Variants in EFCAB11 observed in about 807,000 individuals in gnomAD.
EFCAB11 encodes EF-hand calcium-binding domain-containing protein 11.
Under a neutral mutation model 23.0 loss-of-function variants are expected in EFCAB11, and 14 were observed. The observed-to-expected ratio is 0.61, with a 90% CI of 0.40 to 0.95. EFCAB11 has a LOEUF of 0.95. Ranked by LOEUF, EFCAB11 falls within the 40% of genes least tolerant of loss-of-function variation. The pLI is 0.00. For missense variants in EFCAB11, 198 were observed against 195.8 expected, an observed-to-expected ratio of 1.01 and a Z score of -0.07; for synonymous variants, 65 against 66.6, an observed-to-expected ratio of 0.98 and a Z score of 0.11.
At chr14:89,954,767 C>T, upstream of EFCAB11, 2 of 1,487,716 alleles carry the variant, frequency 1.3e-6, no homozygotes, top group Non-Finnish European at 9.0e-7. Context: ...GGAAGCCGAA[C>T]TTCACCGCGC....
intron 2 of EFCAB11, among the ~76,000 whole-genome samples, chr14:89,953,421 T>C (rs2139854170): frequency 6.6e-6 from 1 of 152,292 alleles, no homozygotes. Flanking sequence ...ATTTCAGAAT[T>C]ACACAAAAAA....
chr14:89,935,107 C>A (rs1890533536), intron 3 of EFCAB11, among the ~76,000 whole-genome samples: 1 of 152,200 alleles, frequency 6.6e-6, no homozygotes, highest in Admixed American at 6.5e-5. Context: ...TTGAATATGT[C>A]TCTGATTTCT....
intron 5 of EFCAB11, among the ~76,000 whole-genome samples, chr14:89,921,117 T>G (rs1336015485): frequency 6.6e-6 from 1 of 150,912 alleles, no homozygotes; most frequent in Non-Finnish European, 1.5e-5. Flanking sequence ...AGAAGAATGT[T>G]CAGCTAAGGA....
chr14:89,953,915 C>G lies in EFCAB11; in HGVS notation c.162G>C (p.Lys54Asn). The change falls in exon 2 of 6, where the codon AAG (lysine) becomes AAC (asparagine). Residue 54 changes from lysine to asparagine, a missense_variant. Lys to Asn is a moderately conservative substitution (Grantham distance 94). Coordinates refer to ENST00000316738, the MANE Select transcript of EFCAB11 (RefSeq NM_145231.4). ...TATAAGAAAGCTCTACCTTGGAGGG[C>G]TTGTACCCAAACAGCATTACAACAG... ...KTAVVMLFGY[K>N]PSKIEVDSVM... The G allele has an allele frequency of 6.2e-7, 1 of 1,613,446 alleles. No homozygotes were observed.
At chr14:89,924,830 C>T (rs1008987154) in intron 5 of EFCAB11, among the ~76,000 whole-genome samples, 3 of 152,132 alleles carry the variant, frequency 2.0e-5, no homozygotes, top group Non-Finnish European at 2.9e-5. Flanking sequence ...AATTAAACCA[C>T]GAAGAAAACA....
chr14:89,851,398 A>T (rs749334537), intron 5 of EFCAB11, among the ~76,000 whole-genome samples: 1 of 152,208 alleles, frequency 6.6e-6, no homozygotes, highest in Non-Finnish European at 1.5e-5. Flanking sequence ...CTCCCAGTTC[A>T]CAAAAAGAGA....
At chr14:89,822,021 T>C (rs1252365000) in intron 5 of EFCAB11, among the ~76,000 whole-genome samples, 1 of 152,230 alleles carries the variant, frequency 6.6e-6, no homozygotes, top group Non-Finnish European at 1.5e-5. Context: ...CTATTTTCCA[T>C]TTTAAACACA....
At chr14:89,889,932 C>T (rs1888908565) in intron 5 of EFCAB11, among the ~76,000 whole-genome samples, 1 of 152,236 alleles carries the variant, frequency 6.6e-6, no homozygotes, top group African/African-American at 2.4e-5. Context: ...GCATTGAATC[C>T]TTTCACTGTA....
chr14:89,918,403 G>A (rs948695036), intron 5 of EFCAB11, among the ~76,000 whole-genome samples: 8 of 151,970 alleles, frequency 5.3e-5, no homozygotes, highest in South Asian at 2.1e-4. Context: ...GCCGGGCATG[G>A]TAGCACACGT....
At chr14:89,901,335 C>CT (rs1213171249) in intron 5 of EFCAB11, among the ~76,000 whole-genome samples, 3 of 152,154 alleles carry the variant, frequency 2.0e-5, no homozygotes, top group Non-Finnish European at 4.4e-5. Context: ...CATTTTACTG[C>CT]TTGTAACCTA....
rs753073969 is a variant in EFCAB11, at chr14:89,815,431, C to CT, written c.411-18108dup. ...ATTAAAGGAATTTCATTATGAAATC[C>CT]TTTTTTTTTTTCCAAGACGGAATCT... On this transcript the variant is annotated intron_variant, in intron 5 of 5. Transcript: ENST00000316738. Among the ~76,000 whole-genome samples, 190 of 146,462 alleles carry CT rather than the reference C, an allele frequency of 1.3e-3. 1 individual carries two copies. Among genetic ancestry groups the CT allele is most frequent in the African/African-American group, 3.5e-3 (139 of 40,076 alleles).
rs73320712 is a variant in EFCAB11, at chr14:89,869,628, C to T, written c.410+61913G>A. On this transcript the variant is annotated intron_variant, in intron 5 of 5. Coordinates refer to ENST00000316738, the MANE Select transcript of EFCAB11 (RefSeq NM_145231.4). Reference sequence around the variant, plus strand: ...CCTAAGAGGCCACAAAAAGTGACTTCGCCTCTTTCTAGGCCCTGCTTCCTC... The same window carrying T: ...CCTAAGAGGCCACAAAAAGTGACTTTGCCTCTTTCTAGGCCCTGCTTCCTC... Among the ~76,000 whole-genome samples, 381 of 152,346 alleles carry T rather than the reference C, an allele frequency of 2.5e-3. 2 individuals are homozygous for T. Among genetic ancestry groups the T allele is most frequent in the African/African-American group, 8.7e-3 (362 of 41,576 alleles).
chr14:89,813,157 T>C (rs1030103564), intron 5 of EFCAB11, among the ~76,000 whole-genome samples: 8 of 152,262 alleles, frequency 5.3e-5, no homozygotes, highest in African/African-American at 1.7e-4. Flanking sequence ...TCGTAAACAT[T>C]TGAAAAATAA....
rs1158013560 is a variant in EFCAB11 at position 89,932,641 on chromosome 14, A to G, written c.218-14T>C. 1.3e-6 allele frequency: 2 copies of G among 1,593,172 alleles called. No homozygotes were observed. Among genetic ancestry groups the G allele is most frequent in the Non-Finnish European group, 1.7e-6 (2 of 1,162,128 alleles). On this transcript the variant is annotated splice_polypyrimidine_tract_variant and intron_variant, in intron 3 of 5. Coordinates refer to ENST00000316738, the MANE Select transcript of EFCAB11 (RefSeq NM_145231.4). ...CGAGTAATATACCTAAAAGTTGGGG[A>G]AAAAACAATTTGTCAAAGATTATTG...
Position 89,910,951 on chromosome 14 carries a change from G to A in EFCAB11, c.410+20590C>T, listed in dbSNP as rs911428349. Among the ~76,000 whole-genome samples, 9 of 152,104 alleles carry A rather than the reference G, an allele frequency of 5.9e-5. No homozygotes were observed. In the South Asian group the frequency reaches 6.2e-4, roughly 10 times the overall value. On this transcript the variant is annotated intron_variant, in intron 5 of 5. Coordinates refer to ENST00000316738, the MANE Select transcript of EFCAB11 (RefSeq NM_145231.4). ...CTGGAGACAATGTAGTATAATATTC[G>A]GATGTACAAAGTACAAACCATAAAG... is the stretch of plus-strand genomic sequence containing the variant.
At chr14:89,834,856 A>C (rs1262721766) in intron 5 of EFCAB11, among the ~76,000 whole-genome samples, 2 of 152,228 alleles carry the variant, frequency 1.3e-5, no homozygotes, top group Non-Finnish European at 2.9e-5. Flanking sequence ...CAGAGGAAGT[A>C]GAAAAGGGCA....
intron 2 of EFCAB11, among the ~76,000 whole-genome samples, chr14:89,952,131 G>C (rs1308307635): frequency 6.6e-6 from 1 of 152,088 alleles, no homozygotes; most frequent in African/African-American, 2.4e-5. Context: ...CATAATAAAA[G>C]TTCATTGTAC....
At chr14:89,935,015 C>T (rs933019178) in intron 3 of EFCAB11, among the ~76,000 whole-genome samples, 12 of 152,174 alleles carry the variant, frequency 7.9e-5, no homozygotes, top group African/African-American at 2.9e-4. Context: ...AACACACTGC[C>T]TGGAATAATG....
chr14:89,820,371 T>C (rs79696323), intron 5 of EFCAB11, among the ~76,000 whole-genome samples: 7,436 of 151,942 alleles, frequency 0.049, 369 homozygotes, highest in African/African-American at 0.13. Context: ...CCCAGCAAAA[T>C]ATTCATCATT....
Sources: allele counts gnomAD v4.1 joint callset (sites outside exome capture counted in the v4.1 genomes callset), GRCh38; gene constraint gnomAD v4.1.1; transcripts MANE v1.5; gene names NCBI Gene and HGNC (gene_info 2026-07-23, HGNC 2026-07-21).